The following HSPD1 variants were observed in gnomAD, a reference collection of about 807,000 sequenced individuals.
HSPD1 encodes the protein heat shock protein family D (Hsp60) member 1.
A neutral mutation model predicts 53.0 loss-of-function variants in HSPD1; 3 were observed. The ratio of observed to expected loss-of-function variants is 0.06; its 90% CI spans 0.03 to 0.15. HSPD1 has a LOEUF of 0.15. Among genes scored for constraint, HSPD1 ranks in the 10% least tolerant of loss-of-function variants. The pLI, the probability that HSPD1 is intolerant of heterozygous loss-of-function variation, is 1.00. For missense variants in HSPD1, 431 were observed against 694.1 expected (o/e 0.62, Z 4.26); for synonymous variants, 200 against 228.0 (o/e 0.88, Z 1.10).
At chr2:197,498,229 A>G (rs1446720708) in intron 2 of HSPD1, among the ~76,000 whole-genome samples, 1 of 152,218 alleles carries the variant, frequency 6.6e-6, no homozygotes, top group Admixed American at 6.5e-5. Flanking sequence ...CAAAGTGCAC[A>G]CTTAATGGTA....
chr2:197,498,907 A>C, intron 1 of HSPD1, 57 bp from the exon 2 acceptor site: 2 of 1,478,516 alleles, frequency 1.4e-6, no homozygotes, highest in South Asian at 2.3e-5. Context: ...GCTGCAGAAC[A>C]AACATGCCCA....
chr2:197,491,406 C>G (rs1315290842), intron 7 of HSPD1, among the ~76,000 whole-genome samples: 1 of 151,998 alleles, frequency 6.6e-6, no homozygotes, highest in African/African-American at 2.4e-5. Context: ...ATGATCCACC[C>G]GCCTCGGCTT....
At chr2:197,494,463 A>G in intron 5 of HSPD1, 194 bp downstream of exon 5, 1 of 630,684 alleles carries the variant, frequency 1.6e-6, no homozygotes, top group Non-Finnish European at 2.8e-6. Context: ...TTCATGCAGC[A>G]AAGGCTAATT....
At chr2:197,499,887 CG>C, upstream of HSPD1, 1 of 153,464 alleles carries the variant, frequency 6.5e-6, no homozygotes, top group South Asian at 1.9e-4. Context: ...CCCCTCCCTC[CG>C]CCTCTACTCC....
Position 197,488,049 on chromosome 2 carries a change from T to G in HSPD1, c.1391-13A>C. ...ATAATTTCTATACCTACAGAGAAAT[T>G]TCAGCAAAATTTTAATACTTTCATT... On this transcript the variant is annotated splice_polypyrimidine_tract_variant and intron_variant, in intron 10 of 11. Coordinates refer to ENST00000388968, the MANE Select transcript of HSPD1 (RefSeq NM_002156.5). 1.3e-6 allele frequency: 2 copies of G among 1,554,060 alleles called. No individual in the cohort carries two copies. The highest frequency in any genetic ancestry group is 1.4e-5 in the African/African-American group (1 of 73,836).
rs2086130369 is a variant in HSPD1, at chr2:197,494,301, TGGAATTACAG to T, written c.607-61_607-52del. 3.2e-6 allele frequency: 3 copies of T among 924,556 alleles called. No homozygotes were observed. The East Asian group carries it at 7.2e-5, about 22-fold the overall frequency. The allele number at this position is 924,556 out of a possible 1,614,324, so 57.3% of individuals were successfully genotyped here. A position where few individuals can be genotyped will look rare whatever the true frequency, so the allele number is the denominator to read the frequency against. ...TATGGATTTCATTGAACACAAAACATGGAATTACAGGCCAGATTAATAAAAACAGACCCCT... is the reference window on the plus strand; with the variant it reads ...TATGGATTTCATTGAACACAAAACATGCCAGATTAATAAAAACAGACCCCT... On this transcript the variant is annotated intron_variant, in intron 5 of 11. Transcript: ENST00000388968.
Position 197,493,394 on chromosome 2 carries a change from G to T in HSPD1, c.799C>A (p.His267Asn), listed in dbSNP as rs369172755. The change falls in exon 7 of 12, where the codon CAC becomes AAC. Residue 267 changes from histidine (H) to asparagine (N), a missense_variant. Coordinates refer to ENST00000388968, the MANE Select transcript of HSPD1 (RefSeq NM_002156.5). ...GCGATTATGACCAAAGGCTTACGGTGAGCATTGGCAATTTCAAGAGCAGGT... is the reference window on the plus strand; with the variant it reads ...GCGATTATGACCAAAGGCTTACGGTTAGCATTGGCAATTTCAAGAGCAGGT... ...IVPALEIANA[H>N]RKPLVIIAED... The T allele has an allele frequency of 6.2e-7, 1 of 1,613,600 alleles. No individual in the cohort carries two copies. The highest frequency in any genetic ancestry group is 8.5e-7 in the Non-Finnish European group (1 of 1,179,716).
intron 11 of HSPD1, 90 bp from the exon 12 acceptor site, chr2:197,487,288 C>CTT: frequency 8.5e-7 from 1 of 1,179,564 alleles, no homozygotes; most frequent in South Asian, 1.3e-5. Context: ...TGGCTCACAC[C>CTT]TGTAATCCAG....
intron 5 of HSPD1, 101 bp downstream of exon 5, chr2:197,494,554 CAG>C (rs917174882): frequency 1.4e-4 from 114 of 826,512 alleles, no homozygotes; most frequent in African/African-American, 1.0e-3. Flanking sequence ...GTTTTTAAAA[CAG>C]AATTTTTCTG....
At chr2:197,488,283 A>G (rs754431299) in intron 10 of HSPD1, 34 bp downstream of exon 10, 19 of 1,596,204 alleles carry the variant, frequency 1.2e-5, no homozygotes, top group Non-Finnish European at 1.5e-5. Context: ...AACTAAAATC[A>G]GGCCACAAAC....
At chr2:197,500,016 G>T (rs2086226253), upstream of HSPD1, 1 of 173,438 alleles carries the variant, frequency 5.8e-6, no homozygotes, top group African/African-American at 2.4e-5. Context: ...GGGTGTGCTA[G>T]CGCGCTCAGC....
intron 11 of HSPD1, 65 bp downstream of exon 11, chr2:197,487,793 G>A (rs2086044726): frequency 7.6e-7 from 1 of 1,322,026 alleles, no homozygotes; most frequent in East Asian, 2.3e-5. Flanking sequence ...CAAAGATTTG[G>A]GATGTGAGGA....
At chr2:197,500,206 C>T (rs543605862), upstream of HSPD1, 9 of 600,964 alleles carry the variant, frequency 1.5e-5, no homozygotes, top group African/African-American at 9.4e-5. Flanking sequence ...CTTTTTTCTT[C>T]CGCCTCCGAG....
chr2:197,487,250 C>G (rs1377628208), intron 11 of HSPD1, 52 bp from the exon 12 acceptor site: 2 of 1,539,766 alleles, frequency 1.3e-6, no homozygotes, highest in Non-Finnish European at 8.9e-7. Context: ...ATGAGCAAGA[C>G]TTATTGAAAA....
intron 8 of HSPD1, among the ~76,000 whole-genome samples, chr2:197,489,513 G>A (rs2086065204): frequency 6.6e-6 from 1 of 152,122 alleles, no homozygotes; most frequent in Non-Finnish European, 1.5e-5. Flanking sequence ...GTAGAGCCAG[G>A]ACAAGACCAT....
At chr2:197,491,006 G>C (rs2086084635) in intron 7 of HSPD1, among the ~76,000 whole-genome samples, 1 of 152,146 alleles carries the variant, frequency 6.6e-6, no homozygotes, top group African/African-American at 2.4e-5. Context: ...AGCAGATTGT[G>C]AAACAGAAGC....
At chr2:197,491,099 C>T (rs1264173995) in intron 7 of HSPD1, among the ~76,000 whole-genome samples, 1 of 151,850 alleles carries the variant, frequency 6.6e-6, no homozygotes, top group Non-Finnish European at 1.5e-5. Context: ...GCTATGTAAA[C>T]TGGATATCCC....
intron 3 of HSPD1, among the ~76,000 whole-genome samples, chr2:197,496,043 G>GAT (rs1381904907): frequency 2.0e-5 from 3 of 152,134 alleles, no homozygotes; most frequent in African/African-American, 7.2e-5. Context: ...GGACCAAAAT[G>GAT]GCTAACACTC....
At chr2:197,490,856 G>A (rs1255642601) in intron 7 of HSPD1, among the ~76,000 whole-genome samples, 1 of 152,146 alleles carries the variant, frequency 6.6e-6, no homozygotes. Flanking sequence ...ATATATTAAT[G>A]CTGAGTTTTG....
Sources: allele counts gnomAD v4.1 joint callset (sites outside exome capture counted in the v4.1 genomes callset), GRCh38; gene constraint gnomAD v4.1.1; transcripts MANE v1.5; gene names NCBI Gene and HGNC (gene_info 2026-07-23, HGNC 2026-07-21).